Variants in NAA11 observed in about 807,000 individuals in gnomAD.
NAA11 encodes N-alpha-acetyltransferase 11.
NAA11 carries 15 observed loss-of-function variants against 16.1 expected under a neutral mutation model. The observed-to-expected ratio is 0.93, with a 90% CI of 0.62 to 1.44. The LOEUF is 1.44. Among genes scored for constraint, NAA11 ranks in the 40% most tolerant of loss-of-function variants. NAA11 has a pLI of 0.00. For missense variants in NAA11, 298 were observed against 291.3 expected (o/e 1.02, Z -0.17); for synonymous variants, 122 against 112.4 (o/e 1.09, Z -0.54).
intron 2 of NAA11, among the ~76,000 whole-genome samples, chr4:79,282,108 C>T (rs913584494): frequency 1.2e-4 from 19 of 152,018 alleles, no homozygotes; most frequent in African/African-American, 4.6e-4. Flanking sequence ...AGTGTCCTGG[C>T]AGGGGGACCA....
chr4:79,265,311 CT>C (rs1203850114), intron 2 of NAA11, among the ~76,000 whole-genome samples: 1 of 152,150 alleles, frequency 6.6e-6, no homozygotes, highest in Non-Finnish European at 1.5e-5. Flanking sequence ...CCTTTTTCCA[CT>C]TTTGCTCTCC....
intron 2 of NAA11, among the ~76,000 whole-genome samples, chr4:79,266,992 G>A (rs1722363394): frequency 6.6e-6 from 1 of 152,154 alleles, no homozygotes; most frequent in African/African-American, 2.4e-5. Context: ...CAAAAAGCAT[G>A]TTTAGCTAAA....
At chr4:79,226,525 C>T (rs1721317920) in intron 2 of NAA11, among the ~76,000 whole-genome samples, 1 of 151,698 alleles carries the variant, frequency 6.6e-6, no homozygotes. Flanking sequence ...GTGTGCTGCA[C>T]CCATTAACTT....
intron 2 of NAA11, among the ~76,000 whole-genome samples, chr4:79,267,553 A>G (rs534614188): frequency 9.2e-5 from 14 of 152,150 alleles, no homozygotes; most frequent in Non-Finnish European, 1.8e-4. Context: ...GAGTGGATGA[A>G]GTTTTCCCAG....
intron 2 of NAA11, among the ~76,000 whole-genome samples, chr4:79,251,477 A>G (rs189008340): frequency 6.6e-6 from 1 of 152,248 alleles, no homozygotes; most frequent in East Asian, 1.9e-4. Context: ...CCTACTTGAG[A>G]GTGGAGGTTG....
chr4:79,268,704 ATTTT>A (rs35515478), intron 2 of NAA11, among the ~76,000 whole-genome samples: 1 of 150,764 alleles, frequency 6.6e-6, no homozygotes, highest in Non-Finnish European at 1.5e-5. Context: ...GACACTTTGT[ATTTT>A]TTTTTATTAT....
At chr4:79,214,508 C>T in the NAA11 span, among the ~76,000 whole-genome samples, 1 of 152,148 alleles carries the variant, frequency 6.6e-6, no homozygotes, top group East Asian at 1.9e-4. Context: ...TTATAAAAGG[C>T]CAAGTTCAGG....
At chr4:79,161,702 T>C in the NAA11 span, among the ~76,000 whole-genome samples, 1 of 149,142 alleles carries the variant, frequency 6.7e-6, no homozygotes, top group Non-Finnish European at 1.5e-5. Flanking sequence ...TGAGATGGAG[T>C]CTTGCTCTGT....
intron 2 of NAA11, among the ~76,000 whole-genome samples, chr4:79,252,291 A>G (rs1277946098): frequency 6.6e-6 from 1 of 152,186 alleles, no homozygotes; most frequent in Non-Finnish European, 1.5e-5. Flanking sequence ...GCACCAAGCA[A>G]TATATCCATG....
At chr4:79,177,007 C>G in the NAA11 span, among the ~76,000 whole-genome samples, 1 of 152,010 alleles carries the variant, frequency 6.6e-6, no homozygotes, top group Non-Finnish European at 1.5e-5. Flanking sequence ...CATCTGTAAG[C>G]CCTATAAATA....
At chr4:79,226,188 A>T (rs1721306583) in exon 3 of NAA11, 2 of 152,040 alleles carry the variant, frequency 1.3e-5, no homozygotes. Context: ...GCTCCATGAG[A>T]TCATTCATGG....
the NAA11 span, among the ~76,000 whole-genome samples, chr4:79,172,778 A>G: frequency 2.6e-5 from 4 of 152,160 alleles, no homozygotes; most frequent in Non-Finnish European, 5.9e-5. Flanking sequence ...ACTGAAAACT[A>G]TAAGTCAGAA....
At chr4:79,295,217 A>G (rs1417277733) in intron 1 of NAA11, among the ~76,000 whole-genome samples, 1 of 152,226 alleles carries the variant, frequency 6.6e-6, no homozygotes, top group Non-Finnish European at 1.5e-5. Context: ...GCAATGCAAT[A>G]GAAGAGGTGA....
At chr4:79,244,220 C>T (rs1346755000) in intron 2 of NAA11, among the ~76,000 whole-genome samples, 5 of 152,188 alleles carry the variant, frequency 3.3e-5, no homozygotes, top group African/African-American at 7.2e-5. Context: ...AATTGCCAAA[C>T]CATCACCTGA....
the NAA11 span, among the ~76,000 whole-genome samples, chr4:79,216,601 A>C: frequency 6.6e-6 from 1 of 152,156 alleles, no homozygotes; most frequent in African/African-American, 2.4e-5. Flanking sequence ...TTTCCCAAAA[A>C]GTATCTTAAA....
the NAA11 span, among the ~76,000 whole-genome samples, chr4:79,199,084 C>A: frequency 6.6e-6 from 1 of 151,856 alleles, no homozygotes; most frequent in Admixed American, 6.6e-5. Flanking sequence ...CATAGTAATG[C>A]AGATACAGTT....
the NAA11 span, among the ~76,000 whole-genome samples, chr4:79,170,737 T>A: frequency 7.9e-5 from 12 of 152,186 alleles, no homozygotes; most frequent in African/African-American, 2.9e-4. Context: ...AGCCTCAGGC[T>A]TTCTCTCCTT....
chr4:79,325,161 G>A lies in NAA11; in HGVS notation c.*12+15C>T, dbSNP rs1404635224. ...TTTAGGAGAAGGGGGTACTGGGTCA[G>A]GGAAGACAGAATACCTTAAGCATGC... On this transcript the variant is annotated intron_variant, in intron 1 of 1. Coordinates refer to ENST00000286794, the MANE Select transcript of NAA11 (RefSeq NM_032693.3). The A allele has an allele frequency of 6.4e-7, 1 of 1,565,604 alleles. No individual in the cohort carries two copies. The highest frequency in any genetic ancestry group is 8.7e-7 in the Non-Finnish European group (1 of 1,153,488).
At chr4:79,321,275 T>C (rs1205141740) in intron 1 of NAA11, among the ~76,000 whole-genome samples, 1 of 152,218 alleles carries the variant, frequency 6.6e-6, no homozygotes, top group Admixed American at 6.5e-5. Context: ...GGATGTTTCC[T>C]ATTGTGGCAG....
Sources: allele counts gnomAD v4.1 joint callset (sites outside exome capture counted in the v4.1 genomes callset), GRCh38; gene constraint gnomAD v4.1.1; transcripts MANE v1.5; gene names NCBI Gene and HGNC (gene_info 2026-07-23, HGNC 2026-07-21).